The following KSR2 variants were observed in gnomAD, a reference collection of about 807,000 sequenced individuals.
KSR2 encodes the protein kinase suppressor of ras 2.
A neutral mutation model predicts 107.8 loss-of-function variants in KSR2; 25 were observed. That is an observed-to-expected ratio of 0.23 (90% CI 0.17 to 0.32). KSR2 has a LOEUF of 0.32. Among genes scored for constraint, KSR2 ranks in the 10% least tolerant of loss-of-function variants. KSR2 has a pLI of 1.00. For synonymous variants in KSR2, 480 were observed against 507.0 expected (o/e 0.95, Z 0.71); for missense variants, 887 against 1,268.9 (o/e 0.70, Z 4.57).
At chr12:117,646,416 C>T (rs1162683912) in intron 5 of KSR2, among the ~76,000 whole-genome samples, 1 of 152,104 alleles carries the variant, frequency 6.6e-6, no homozygotes, top group Non-Finnish European at 1.5e-5. Context: ...TCAATTAGTC[C>T]CATTTTATAG....
intron 5 of KSR2, among the ~76,000 whole-genome samples, chr12:117,636,334 G>A (rs1883073632): frequency 1.1e-5 from 1 of 87,232 alleles, no homozygotes; most frequent in Non-Finnish European, 2.1e-5. Context: ...TAAATCTTAT[G>A]TACTCCAAAT....
chr12:117,919,884 T>A (rs969234442), intron 1 of KSR2, among the ~76,000 whole-genome samples: 2 of 152,242 alleles, frequency 1.3e-5, no homozygotes, highest in Admixed American at 6.5e-5. Context: ...TTTGTTATGT[T>A]AAGCCACTGA....
chr12:117,804,024 A>G (rs981860055), intron 3 of KSR2, among the ~76,000 whole-genome samples: 6 of 152,192 alleles, frequency 3.9e-5, no homozygotes, highest in African/African-American at 1.4e-4. Flanking sequence ...TCATTGACAC[A>G]TAGCCATATC....
At chr12:117,710,734 T>C (rs1398162302) in intron 4 of KSR2, among the ~76,000 whole-genome samples, 1 of 152,162 alleles carries the variant, frequency 6.6e-6, no homozygotes, top group East Asian at 1.9e-4. Flanking sequence ...TAATACATAG[T>C]AGGGTTAAAT....
intron 9 of KSR2, among the ~76,000 whole-genome samples, chr12:117,544,293 G>C (rs931669264): frequency 2.0e-5 from 3 of 152,018 alleles, no homozygotes; most frequent in African/African-American, 7.3e-5. Flanking sequence ...TCTAATTTAG[G>C]TTTCCATATG....
chr12:117,947,182 GAA>G (rs1451651815), intron 1 of KSR2, among the ~76,000 whole-genome samples: 1 of 107,906 alleles, frequency 9.3e-6, no homozygotes, highest in Non-Finnish European at 1.9e-5. Context: ...AAGAAAGAAA[GAA>G]AGAAAAGAAA....
At chr12:117,503,495 A>T (rs1202235167) in intron 14 of KSR2, among the ~76,000 whole-genome samples, 3 of 152,170 alleles carry the variant, frequency 2.0e-5, no homozygotes, top group Admixed American at 2.0e-4. Context: ...TGTGCCACCC[A>T]CGACCAAGGA....
At chr12:117,670,062 G>A (rs1427079036) in intron 4 of KSR2, among the ~76,000 whole-genome samples, 1 of 151,988 alleles carries the variant, frequency 6.6e-6, no homozygotes, top group East Asian at 1.9e-4. Context: ...TTTCCAACAG[G>A]CCCTCTCATA....
chr12:117,891,445 T>C (rs1894338221), intron 1 of KSR2, among the ~76,000 whole-genome samples: 1 of 151,450 alleles, frequency 6.6e-6, no homozygotes, highest in Admixed American at 6.6e-5. Flanking sequence ...AAAGAAATGT[T>C]TTATTAGACA....
chr12:117,899,898 G>A (rs1475288886), intron 1 of KSR2, among the ~76,000 whole-genome samples: 1 of 152,246 alleles, frequency 6.6e-6, no homozygotes, highest in African/African-American at 2.4e-5. Flanking sequence ...TCTAGGACAT[G>A]AAGTGTATCT....
intron 5 of KSR2, among the ~76,000 whole-genome samples, chr12:117,650,276 A>G (rs1883838416): frequency 6.6e-6 from 1 of 152,164 alleles, no homozygotes; most frequent in Non-Finnish European, 1.5e-5. Flanking sequence ...CCTCAAACAT[A>G]CAACCATACA....
At chr12:117,540,936 A>G (rs1007587128) in intron 9 of KSR2, among the ~76,000 whole-genome samples, 1 of 152,268 alleles carries the variant, frequency 6.6e-6, no homozygotes, top group Non-Finnish European at 1.5e-5. Context: ...AACCGGAGTC[A>G]GGAAAACCTG....
In KSR2 at chr12:117,457,825, T is replaced by C. The variant is rs968234468; in HGVS notation, c.*9374A>G. On this transcript the variant is annotated 3_prime_UTR_variant, in exon 20 of 20. Coordinates refer to ENST00000339824, the MANE Select transcript of KSR2 (RefSeq NM_173598.6). The stretch of plus-strand genomic sequence containing the variant: ...CCCAAATAGCTCAACAGTACTGAGG[T>C]TGAGAAACCCTGGCTTAGAATGAAC... 3.3e-5 allele frequency: 5 copies of C among 152,130 alleles called. No homozygotes were observed. The highest frequency in any genetic ancestry group is 6.5e-5 in the Admixed American group (1 of 15,278). 9.4% of individuals were successfully genotyped at this position (152,130 alleles called of 1,614,324 possible). A position where few individuals can be genotyped will look rare whatever the true frequency, so the allele number is the denominator to read the frequency against.
chr12:117,588,700 G>C (rs1017073207), intron 5 of KSR2, among the ~76,000 whole-genome samples: 1 of 152,182 alleles, frequency 6.6e-6, no homozygotes, highest in Non-Finnish European at 1.5e-5. Flanking sequence ...TGTGTGGTAG[G>C]GAAGAAAGTA....
At chr12:117,580,776 T>G (rs1055657063) in intron 6 of KSR2, among the ~76,000 whole-genome samples, 2 of 152,110 alleles carry the variant, frequency 1.3e-5, no homozygotes, top group African/African-American at 2.4e-5. Context: ...GCCTGGGGGC[T>G]GGACGATCTA....
At chr12:117,710,087 C>A (rs532023818) in intron 4 of KSR2, among the ~76,000 whole-genome samples, 1 of 152,156 alleles carries the variant, frequency 6.6e-6, no homozygotes, top group South Asian at 2.1e-4. Flanking sequence ...AAACCAGCTG[C>A]AAGAATGTTG....
intron 4 of KSR2, among the ~76,000 whole-genome samples, chr12:117,686,124 A>G (rs11068627): frequency 0.1 from 15,632 of 151,110 alleles, 874 homozygotes; most frequent in South Asian, 0.16. Context: ...TCACAGCTCA[A>G]TGCAGCCTCA....
intron 3 of KSR2, among the ~76,000 whole-genome samples, chr12:117,785,414 CAAAAAAAAAAAAAA>C (rs374881532): frequency 3.2e-4 from 12 of 37,408 alleles, no homozygotes; most frequent in Admixed American, 2.7e-3. Context: ...GACTCCATCT[CAAAAAAAAAAAAAA>C]AAAAAAAAAA....
At chr12:117,549,769 A>C (rs12425296) in intron 9 of KSR2, among the ~76,000 whole-genome samples, 39,092 of 152,094 alleles carry the variant, frequency 0.26, 5,649 homozygotes, top group Admixed American at 0.44. Flanking sequence ...GGAGGTAACT[A>C]ATCAATGTTA....
Sources: allele counts gnomAD v4.1 joint callset (sites outside exome capture counted in the v4.1 genomes callset), GRCh38; gene constraint gnomAD v4.1.1; transcripts MANE v1.5; gene names NCBI Gene and HGNC (gene_info 2026-07-23, HGNC 2026-07-21).